Variants in ARHGEF9 observed in about 807,000 individuals in gnomAD.
The protein encoded by ARHGEF9 is Cdc42 guanine nucleotide exchange factor 9.
In ARHGEF9, 2 loss-of-function variants were observed where a neutral mutation model predicts 41.3. That is an observed-to-expected ratio of 0.05 (90% CI 0.02 to 0.15). The LOEUF (loss-of-function observed/expected upper bound fraction) is 0.15, where lower values mean the gene tolerates loss of function less well. Among genes scored for constraint, ARHGEF9 ranks in the 10% least tolerant of loss-of-function variants. ARHGEF9 has a pLI of 1.00. For synonymous variants in ARHGEF9, 160 were observed against 154.4 expected (o/e 1.04, Z -0.27); for missense variants, 225 against 424.7 (o/e 0.53, Z 4.13).
chrX:63,725,142 G>A (rs1388085829), intron 1 of ARHGEF9, among the ~76,000 whole-genome samples: 4 of 110,262 alleles, frequency 3.6e-5, no homozygotes, highest in African/African-American at 1.3e-4. Context: ...CTCCTCCTTG[G>A]AACTGACCAA....
At chrX:63,677,223 G>T (rs1390736193) in intron 5 of ARHGEF9, among the ~76,000 whole-genome samples, 1 of 111,950 alleles carries the variant, frequency 8.9e-6, no homozygotes, top group African/African-American at 3.2e-5. Flanking sequence ...ACAGAACAAA[G>T]ATTTTCTACT....
intron 1 of ARHGEF9, among the ~76,000 whole-genome samples, chrX:63,770,086 G>A (rs1287396656): frequency 1.2e-4 from 13 of 112,067 alleles, no homozygotes; most frequent in African/African-American, 1.6e-4. Context: ...ATGCCAACCC[G>A]TGAAGGCAGC....
At chrX:63,734,508 C>T (rs143706199) in intron 1 of ARHGEF9, among the ~76,000 whole-genome samples, 131 of 112,152 alleles carry the variant, frequency 1.2e-3, no homozygotes, top group Middle Eastern at 4.6e-3. Context: ...TTCTGAATCA[C>T]GTGCCACACT....
At position 63,640,145 on chromosome X, in the gene ARHGEF9, C is replaced by T. The variant is rs370492183; in HGVS notation, c.1391-1936G>A. 3 of 112,028 alleles carry T rather than the reference C, an allele frequency of 2.7e-5. No homozygotes were observed. The East Asian group carries it at 8.4e-4, about 31-fold the overall frequency. 9.2% of individuals were successfully genotyped at this position (112,028 alleles called of 1,213,427 possible). On this transcript the variant is annotated intron_variant, in intron 9 of 9. Transcript: ENST00000671741. ...GTTCCCAACACAAAAAAATGATACA[C>T]GTTTAAGGTGATAGATATCCTAATT...
chrX:63,750,947 G>A (rs1449024244), intron 1 of ARHGEF9, among the ~76,000 whole-genome samples: 2 of 111,376 alleles, frequency 1.8e-5, no homozygotes, highest in African/African-American at 6.5e-5. Context: ...CTAGGCTCTA[G>A]TCCCCTTTTT....
At chrX:63,762,057 T>G (rs1246852327) in intron 1 of ARHGEF9, among the ~76,000 whole-genome samples, 4 of 111,022 alleles carry the variant, frequency 3.6e-5, no homozygotes, top group African/African-American at 1.3e-4. Flanking sequence ...TGGTGGGGAG[T>G]GAACATTTCT....
chrX:63,711,690 TAA>T (rs2052942605), intron 2 of ARHGEF9, among the ~76,000 whole-genome samples: 1 of 112,054 alleles, frequency 8.9e-6, no homozygotes, highest in Non-Finnish European at 1.9e-5. Context: ...AATCAGATTA[TAA>T]AAGTCATTAA....
intron 4 of ARHGEF9, among the ~76,000 whole-genome samples, chrX:63,687,886 A>T (rs1396783102): frequency 1.8e-5 from 2 of 110,623 alleles, no homozygotes; most frequent in African/African-American, 3.3e-5. Flanking sequence ...AGAGCAAGTC[A>T]AAGGGTCATT....
rs1381630511 is a variant in ARHGEF9, at chrX:63,769,438, GA to G, written c.30+15677del. On this transcript the variant is annotated intron_variant, in intron 1 of 9. Coordinates refer to ENST00000671741, the MANE Select transcript of ARHGEF9 (RefSeq NM_001353921.2). ...AAAATTTGCAGCCTAACAATGCAAT[GA>G]AAAAAAAAAATCCCATTTTCTAAGG... 3.2e-3 allele frequency among the ~76,000 whole-genome samples: 337 copies of G among 106,172 alleles called. 1 individual carries two copies. The highest frequency in any genetic ancestry group is 0.012 in the East Asian group (42 of 3,414). The allele number at this position is 106,172 out of a possible 115,157, so 92.2% of individuals were successfully genotyped here.
chrX:63,770,374 C>T (rs782810392), intron 1 of ARHGEF9, among the ~76,000 whole-genome samples: 2 of 112,440 alleles, frequency 1.8e-5, no homozygotes, highest in African/African-American at 6.5e-5. Context: ...CAATTTCTCC[C>T]ATTTAAAATG....
intron 2 of ARHGEF9, among the ~76,000 whole-genome samples, chrX:63,722,149 A>G (rs1556414065): frequency 8.9e-6 from 1 of 112,047 alleles, no homozygotes; most frequent in East Asian, 2.8e-4. Flanking sequence ...CTAATAATAG[A>G]ACTGAGGCAA....
chrX:63,715,201 A>G (rs1422024449), intron 2 of ARHGEF9, among the ~76,000 whole-genome samples: 1 of 112,200 alleles, frequency 8.9e-6, no homozygotes, highest in Non-Finnish European at 1.9e-5. Flanking sequence ...AATTTAGGTT[A>G]ATTAGTTAAG....
Position 63,706,411 on chromosome X carries a change from G to T in ARHGEF9, c.249C>A (p.Pro83=). The change falls in exon 3 of 10, where the codon CCC becomes CCA. Residue 83 remains proline, a synonymous_variant. Transcript: ENST00000671741. ...CCAGGTGTCCGTTCTGCACATCGCTGGGCCCCTCCTCCACCTCATCCTCCT... is the reference window on the plus strand; with the variant it reads ...CCAGGTGTCCGTTCTGCACATCGCTTGGCCCCTCCTCCACCTCATCCTCCT... The part of the protein sequence containing the change: ...VNQEDEVEEG[P]SDVQNGHLDP... 2 of 1,207,481 alleles carry T rather than the reference G, an allele frequency of 1.7e-6. No homozygotes were observed. The highest frequency in any genetic ancestry group is 1.1e-6 in the Non-Finnish European group (1 of 893,777).
intron 1 of ARHGEF9, among the ~76,000 whole-genome samples, chrX:63,727,968 C>A (rs2054068310): frequency 9.0e-6 from 1 of 111,673 alleles, no homozygotes; most frequent in Admixed American, 9.5e-5. Flanking sequence ...GCCTCTGGGT[C>A]CCAGTTTCTT....
intron 5 of ARHGEF9, among the ~76,000 whole-genome samples, chrX:63,675,638 C>A (rs1326153623): frequency 1.8e-5 from 2 of 112,312 alleles, no homozygotes; most frequent in African/African-American, 6.5e-5. Flanking sequence ...ACTATTATTA[C>A]AAATCAAACA....
chrX:63,701,372 TG>T (rs2052159896), intron 3 of ARHGEF9: 1 of 110,348 alleles, frequency 9.1e-6, no homozygotes, highest in Admixed American at 9.6e-5. Context: ...TTTTTTTGCC[TG>T]GAACCTGAGG....
chrX:63,700,497 A>G (rs2052079798), intron 3 of ARHGEF9, among the ~76,000 whole-genome samples: 1 of 111,986 alleles, frequency 8.9e-6, no homozygotes, highest in Non-Finnish European at 1.9e-5. Flanking sequence ...GTTGGCAGTG[A>G]AATGTGATTG....
chrX:63,738,528 A>C (rs1426376215), intron 1 of ARHGEF9, among the ~76,000 whole-genome samples: 7 of 111,294 alleles, frequency 6.3e-5, no homozygotes, highest in Non-Finnish European at 1.3e-4. Flanking sequence ...AATTTGAAGA[A>C]AAGAAAGTTC....
At chrX:63,647,138 G>A (rs1354832425) in intron 8 of ARHGEF9, among the ~76,000 whole-genome samples, 6 of 111,510 alleles carry the variant, frequency 5.4e-5, no homozygotes, top group Non-Finnish European at 9.4e-5. Context: ...GGCCTGAGAC[G>A]ATGGGGTTTT....
Sources: gnomAD v4.1 joint callset for allele counts (sites outside exome capture counted in the v4.1 genomes callset) on GRCh38, gnomAD v4.1.1 for gene constraint, MANE v1.5 for transcripts, NCBI Gene and HGNC (gene_info 2026-07-23, HGNC 2026-07-21) for gene names.